The following BPIFC variants were observed in gnomAD, a reference collection of about 807,000 sequenced individuals.
BPIFC encodes BPI fold containing family C.
In BPIFC, 60 loss-of-function variants were observed where a neutral mutation model predicts 57.6. The observed-to-expected ratio is 1.04, with a 90% confidence interval of 0.85 to 1.29. The LOEUF (loss-of-function observed/expected upper bound fraction) is 1.29. BPIFC is among the 50% of genes most tolerant of loss of function. The probability of loss-of-function intolerance (pLI) is 0.00; values close to 1 mark genes in which losing one functional copy is unlikely to be tolerated. For synonymous variants in BPIFC, 243 were observed against 224.5 expected (o/e 1.08, Z -0.74); for missense variants, 581 against 600.5 (o/e 0.97, Z 0.34).
chr22:32,414,269 C>T lies in BPIFC; in HGVS notation c.*34G>A. The stretch of plus-strand genomic sequence containing the variant: ...TTACAGTAGTTGTAGGATTAAGGAC[C>T]ATTTACTTCCTGGGGTGAATTGCAA... On this transcript the variant is annotated 3_prime_UTR_variant, in exon 17 of 17. Coordinates refer to ENST00000300399, the MANE Select transcript of BPIFC (RefSeq NM_174932.3). 1 of 1,610,284 alleles carries T rather than the reference C, an allele frequency of 6.2e-7. No homozygotes were observed. Among genetic ancestry groups the T allele is most frequent in the Non-Finnish European group, 8.5e-7 (1 of 1,177,932 alleles).
At chr22:32,448,936 C>CA (rs569993202) in intron 4 of BPIFC, among the ~76,000 whole-genome samples, 286 of 127,132 alleles carry the variant, frequency 2.2e-3, no homozygotes, top group Admixed American at 9.8e-3. Context: ...GACTTCGTCT[C>CA]AAAAAAAAAA....
intron 13 of BPIFC, among the ~76,000 whole-genome samples, chr22:32,429,767 G>GA: frequency 6.6e-6 from 1 of 151,206 alleles, no homozygotes; most frequent in African/African-American, 2.4e-5. Flanking sequence ...TACTTGTCTC[G>GA]TCCTCCCAAA....
chr22:32,448,843 C>T (rs935330089), intron 4 of BPIFC, among the ~76,000 whole-genome samples: 4 of 128,280 alleles, frequency 3.1e-5, no homozygotes, highest in African/African-American at 5.7e-5. Flanking sequence ...GAGGCTGAGG[C>T]AGGAGAATCC....
At chr22:32,449,021 G>A (rs1468104435) in intron 4 of BPIFC, among the ~76,000 whole-genome samples, 1 of 152,106 alleles carries the variant, frequency 6.6e-6, no homozygotes, top group Non-Finnish European at 1.5e-5. Flanking sequence ...ACACGCATTA[G>A]CTCATTTTAA....
At chr22:32,431,505 C>T in intron 12 of BPIFC, 91 bp from the exon 13 acceptor site, 1 of 845,242 alleles carries the variant, frequency 1.2e-6, no homozygotes, top group South Asian at 1.5e-5. Flanking sequence ...ATTATAAGCC[C>T]AACATTCCCC....
chr22:32,432,987 G>A (rs1934291164), intron 11 of BPIFC, among the ~76,000 whole-genome samples: 1 of 152,178 alleles, frequency 6.6e-6, no homozygotes, highest in Admixed American at 6.5e-5. Context: ...TGGATCACTT[G>A]AAGCCAGGAG....
rs963007502 is a variant in BPIFC at position 32,453,154 on chromosome 22, G to A, written c.245+229C>T. Among the ~76,000 whole-genome samples the A allele has an allele frequency of 2.3e-4, 35 of 152,074 alleles. 1 individual carries two copies. Among genetic ancestry groups the A allele is most frequent in the Admixed American group, 1.0e-3 (16 of 15,248 alleles). ...AGCTTTTAAGAACGCCTTTACCCTC[G>A]TCTCTTCCTCCTTTTAGCTGCCTGA... On this transcript the variant is annotated intron_variant, in intron 4 of 16. Coordinates refer to ENST00000300399, the MANE Select transcript of BPIFC (RefSeq NM_174932.3).
chr22:32,441,189 T>C (rs1215040720), intron 8 of BPIFC, among the ~76,000 whole-genome samples: 1 of 152,186 alleles, frequency 6.6e-6, no homozygotes, highest in Non-Finnish European at 1.5e-5. Context: ...CGATCTGGAA[T>C]CTTCATCTAG....
chr22:32,444,345 G>C (rs1005449488), intron 7 of BPIFC, among the ~76,000 whole-genome samples: 1 of 152,156 alleles, frequency 6.6e-6, no homozygotes, highest in Non-Finnish European at 1.5e-5. Context: ...CACCTCCTGG[G>C]ATGAGCTGCT....
In BPIFC at chr22:32,430,027, A is replaced by G. The variant is rs549475023; in HGVS notation, c.1217+1320T>C. 1.2e-4 allele frequency among the ~76,000 whole-genome samples: 19 copies of G among 152,250 alleles called. No homozygotes were observed. The East Asian group carries it at 3.5e-3, about 28-fold the overall frequency. On this transcript the variant is annotated intron_variant, in intron 13 of 16. Transcript: ENST00000300399. ...GGATGACTTCAACTACCAGCTTTAT[A>G]GGGCTGAGGAAAATGGGCTTTGCAG...
chr22:32,449,803 C>T (rs967253413), intron 4 of BPIFC, among the ~76,000 whole-genome samples: 18 of 151,100 alleles, frequency 1.2e-4, no homozygotes, highest in Admixed American at 5.9e-4. Context: ...GGCATGATCT[C>T]GGCTCACTAC....
chr22:32,416,421 G>C (rs541289876), intron 15 of BPIFC, among the ~76,000 whole-genome samples: 1 of 152,006 alleles, frequency 6.6e-6, no homozygotes, highest in East Asian at 1.9e-4. Flanking sequence ...CATTCTCCCC[G>C]GTTCCATGTT....
rs573863345 is a variant in BPIFC at position 32,462,184 on chromosome 22, A to G, written c.-88-523T>C. Among the ~76,000 whole-genome samples, 218 of 145,738 alleles carry G rather than the reference A, an allele frequency of 1.5e-3. 1 individual carries two copies. The highest frequency in any genetic ancestry group is 0.012 in the Admixed American group (169 of 14,552). On this transcript the variant is annotated intron_variant, in intron 1 of 16. Transcript: ENST00000300399. Reference sequence around the variant, plus strand: ...ACTCCATCTCAAAAAAAAAAAAAAAAAAAAAAGAAAAAAGAAAAAAAAGAA... The same window carrying G: ...ACTCCATCTCAAAAAAAAAAAAAAAGAAAAAAGAAAAAAGAAAAAAAAGAA...
chr22:32,417,328 A>G (rs1237919572), intron 14 of BPIFC, among the ~76,000 whole-genome samples, 180 bp from the exon 15 acceptor site: 1 of 151,306 alleles, frequency 6.6e-6, no homozygotes, highest in Non-Finnish European at 1.5e-5. Flanking sequence ...AGTGTGCACC[A>G]CTACACCTGG....
At position 32,435,822 on chromosome 22, in the gene BPIFC, A is replaced by G. The variant is rs2076051; in HGVS notation, c.806T>C (p.Val269Ala). The G allele has an allele frequency of 0.028, 45,368 of 1,614,146 alleles. 1,574 individuals carry two copies. The highest frequency in any genetic ancestry group is 0.17 in the East Asian group (7,637 of 44,888). ...TDPPFSPVPF[V>A]LPERSNSMLY... ...CATGGAGTTGCTGCGTTCTGGGAGC[A>G]CAAAAGGAACTGGTGAGAAGGGGGG... The change falls in exon 10 of 17, where the codon GTG becomes GCG. Residue 269 changes from valine (V) to alanine (A), a missense_variant. Coordinates refer to ENST00000300399, the MANE Select transcript of BPIFC (RefSeq NM_174932.3).
chr22:32,453,994 C>A (rs1406354680), intron 3 of BPIFC, among the ~76,000 whole-genome samples: 1 of 151,894 alleles, frequency 6.6e-6, no homozygotes, highest in Non-Finnish European at 1.5e-5. Context: ...GTCTATAGTA[C>A]CAGTGACTCA....
rs549077997 is a variant in BPIFC, at chr22:32,463,523, TCAC to T, written c.-89+848_-89+850del. Among the ~76,000 whole-genome samples the T allele has an allele frequency of 7.2e-4, 110 of 152,254 alleles. No homozygotes were observed. In the Middle Eastern group the frequency reaches 0.02, roughly 28 times the overall value. On this transcript the variant is annotated intron_variant, in intron 1 of 16. Coordinates refer to ENST00000300399, the MANE Select transcript of BPIFC (RefSeq NM_174932.3). Reference sequence around the variant, plus strand: ...GTCCAATTTAGAAAACACCTGAAACTCACAGATGGTCCTACTACTACTGCTGCT... The same window carrying T: ...GTCCAATTTAGAAAACACCTGAAACTAGATGGTCCTACTACTACTGCTGCT...
intron 13 of BPIFC, among the ~76,000 whole-genome samples, chr22:32,423,107 G>A (rs940139190): frequency 6.6e-6 from 1 of 152,202 alleles, no homozygotes; most frequent in African/African-American, 2.4e-5. Flanking sequence ...AGTGAGCTTA[G>A]GAAGATAAGG....
In BPIFC at chr22:32,445,621, C is replaced by T; in HGVS notation, c.594+14G>A. Reference sequence around the variant, plus strand: ...TGGCATTTTACTGTGGTTGCCTAACCTCTAAAGACTCACCATTTCATTTAA... The same window carrying T: ...TGGCATTTTACTGTGGTTGCCTAACTTCTAAAGACTCACCATTTCATTTAA... On this transcript the variant is annotated intron_variant, in intron 7 of 16. Transcript: ENST00000300399. 6.3e-7 allele frequency: 1 copy of T among 1,587,278 alleles called. No individual in the cohort carries two copies. Among genetic ancestry groups the T allele is most frequent in the Non-Finnish European group, 8.6e-7 (1 of 1,167,864 alleles).
Sources: allele counts gnomAD v4.1 joint callset (sites outside exome capture counted in the v4.1 genomes callset), GRCh38; gene constraint gnomAD v4.1.1; transcripts MANE v1.5; gene names NCBI Gene and HGNC (gene_info 2026-07-23, HGNC 2026-07-21).